RNF125: variants seen among roughly 807,000 people sequenced by gnomAD.
RNF125 encodes the protein ring finger protein 125.
RNF125 carries 21 observed loss-of-function variants against 26.0 expected under a neutral mutation model. That is an observed-to-expected ratio of 0.81 (90% CI 0.57 to 1.16). The LOEUF is 1.16. RNF125 is among the 50% of genes most tolerant of loss of function. The pLI, the probability that RNF125 is intolerant of heterozygous loss-of-function variation, is 0.00. For missense variants in RNF125, 270 were observed against 299.4 expected (o/e 0.90, Z 0.72); for synonymous variants, 95 against 109.2 (o/e 0.87, Z 0.81).
At chr18:32,056,567 G>A (rs2039385251) in intron 4 of RNF125, among the ~76,000 whole-genome samples, 1 of 146,622 alleles carries the variant, frequency 6.8e-6, no homozygotes, top group African/African-American at 2.6e-5. Flanking sequence ...GTTGCAGTGA[G>A]CCAAGATCAC....
chr18:32,045,139 AAGAC>A lies in RNF125; in HGVS notation c.414-499_414-496del, dbSNP rs201333907. Among the ~76,000 whole-genome samples, 604 of 150,984 alleles carry A rather than the reference AAGAC, an allele frequency of 4.0e-3. 1 individual carries two copies. The highest frequency in any genetic ancestry group is 0.013 in the African/African-American group (554 of 41,154). On this transcript the variant is annotated intron_variant, in intron 3 of 5. Coordinates refer to ENST00000217740, the MANE Select transcript of RNF125 (RefSeq NM_017831.4). ...TCTCCAAAAAAAAAAAATAGAAAGA[AAGAC>A]AGAAAAAGAAAAGTGACCTGCAGCT...
chr18:32,037,036 A>G, intron 1 of RNF125, 80 bp from the exon 2 acceptor site: 1 of 1,302,332 alleles, frequency 7.7e-7, no homozygotes, highest in Non-Finnish European at 1.1e-6. Context: ...ATTAAATTAC[A>G]GTTTACACAA....
the RNF125 span, among the ~76,000 whole-genome samples, chr18:32,086,355 GTT>G: frequency 0.016 from 2,115 of 133,652 alleles, 57 homozygotes; most frequent in African/African-American, 0.055. Context: ...AGATATTTGT[GTT>G]TTTTTTTTTT....
chr18:32,083,783 G>A, the RNF125 span, among the ~76,000 whole-genome samples: 15 of 151,988 alleles, frequency 9.9e-5, no homozygotes, highest in African/African-American at 3.4e-4. Context: ...TGTGCCTATG[G>A]TTCTCACTAC....
At chr18:32,077,334 A>ATTTTTTTTTTTTTTTTTTTTTTTTTTT (rs552701343), downstream of RNF125, among the ~76,000 whole-genome samples, 1 of 107,880 alleles carries the variant, frequency 9.3e-6, no homozygotes, top group Non-Finnish European at 1.8e-5. Context: ...CCCTCTCCCC[A>ATTTTTTTTTTTTTTTTTTTTTTTTTTT]TTTTTTTTTT....
intron 1 of RNF125, 86 bp from the exon 2 acceptor site, chr18:32,037,030 A>T: frequency 1.6e-6 from 2 of 1,260,866 alleles, no homozygotes; most frequent in Non-Finnish European, 1.1e-6. Flanking sequence ...GGTGTCATTA[A>T]ATTACAGTTT....
rs531751585 is a variant in RNF125 at position 32,050,865 on chromosome 18, C to CTTTTTTTTTTT, written c.504+5157_504+5167dup. ...CCAGCTAGTCTCTCGGTCTAGAGTG[C>CTTTTTTTTTTT]TTTTTTTTTTTTTTTTTTTTTTTTT... is the stretch of plus-strand genomic sequence containing the variant. On this transcript the variant is annotated intron_variant, in intron 4 of 5. Transcript: ENST00000217740. Among the ~76,000 whole-genome samples the CTTTTTTTTTTT allele has an allele frequency of 7.3e-4, 34 of 46,344 alleles. 8 individuals are homozygous for CTTTTTTTTTTT. Among genetic ancestry groups the CTTTTTTTTTTT allele is most frequent in the Non-Finnish European group, 9.0e-4 (23 of 25,614 alleles). 30.4% of individuals were successfully genotyped at this position (46,344 alleles called of 152,430 possible).
chr18:32,090,757 A>G, the RNF125 span, among the ~76,000 whole-genome samples: 1 of 152,254 alleles, frequency 6.6e-6, no homozygotes, highest in Non-Finnish European at 1.5e-5. Context: ...AACAATGCCA[A>G]TGTCAACATA....
the RNF125 span, among the ~76,000 whole-genome samples, chr18:32,081,990 C>G: frequency 6.6e-6 from 1 of 152,146 alleles, no homozygotes; most frequent in Non-Finnish European, 1.5e-5. Flanking sequence ...GATTCACTTC[C>G]TTTTCTGTAT....
intron 5 of RNF125, 198 bp downstream of exon 5, chr18:32,066,207 T>C: frequency 5.6e-6 from 2 of 358,648 alleles, no homozygotes; most frequent in South Asian, 7.3e-5. Context: ...CCCAACACTT[T>C]GGGAGGCCGA....
chr18:32,073,802 G>A (rs1229157705), downstream of RNF125, among the ~76,000 whole-genome samples: 1 of 152,118 alleles, frequency 6.6e-6, no homozygotes, highest in Non-Finnish European at 1.5e-5. Flanking sequence ...ATGATTGAGG[G>A]AACCCAGATC....
chr18:32,051,126 G>C (rs1389968620), intron 4 of RNF125, among the ~76,000 whole-genome samples: 1 of 151,820 alleles, frequency 6.6e-6, no homozygotes, highest in Non-Finnish European at 1.5e-5. Flanking sequence ...ATTAATTTCA[G>C]CTTTTGCTTT....
intron 2 of RNF125, among the ~76,000 whole-genome samples, chr18:32,039,225 T>A (rs2039192399): frequency 6.6e-6 from 1 of 151,724 alleles, no homozygotes; most frequent in African/African-American, 2.4e-5. Flanking sequence ...AGAGACCTTG[T>A]CTCTACTAAA....
At chr18:32,059,415 GTCT>G (rs1196452078) in intron 4 of RNF125, among the ~76,000 whole-genome samples, 3 of 152,130 alleles carry the variant, frequency 2.0e-5, no homozygotes, top group Non-Finnish European at 4.4e-5. Context: ...CCATTTATAT[GTCT>G]TCTTTTGAGA....
intron 2 of RNF125, among the ~76,000 whole-genome samples, chr18:32,040,341 A>G (rs1408616595): frequency 7.3e-6 from 1 of 136,446 alleles, no homozygotes; most frequent in Non-Finnish European, 1.5e-5. Context: ...GCACCATCTC[A>G]GCTCACTGCA....
intron 1 of RNF125, among the ~76,000 whole-genome samples, chr18:32,028,483 C>A (rs900855055): frequency 6.6e-6 from 1 of 151,814 alleles, no homozygotes; most frequent in South Asian, 2.1e-4. Flanking sequence ...TTCTCTCCCC[C>A]ACAACATGCA....
At chr18:32,064,396 C>CTTTTTT (rs775086863) in intron 4 of RNF125, among the ~76,000 whole-genome samples, 1,003 of 86,720 alleles carry the variant, frequency 0.012, 33 homozygotes, top group Non-Finnish European at 0.014. Flanking sequence ...TTTTCTTTTT[C>CTTTTTT]TTTTTTTTTT....
At chr18:32,057,667 TAAGAAAGGTGTTCTCCATTAC>T (rs2144504490) in intron 4 of RNF125, among the ~76,000 whole-genome samples, 1 of 152,248 alleles carries the variant, frequency 6.6e-6, no homozygotes, top group East Asian at 1.9e-4. Context: ...GTACTGGAGT[TAAGAAAGGTGTTCTCCATTAC>T]AGCCTAGGTA....
rs1399200886 is a variant in RNF125 at position 32,037,177 on chromosome 18, C to T, written c.226C>T (p.Arg76Trp). 4 of 1,605,044 alleles carry T rather than the reference C, an allele frequency of 2.5e-6. No individual in the cohort carries two copies. Among genetic ancestry groups the T allele is most frequent in the Non-Finnish European group, 3.4e-6 (4 of 1,177,016 alleles). ...KNNKWTCPYC[R>W]AYLPSEGVPA... ...CAACAAGTGGACCTGTCCTTATTGC[C>T]GGGCATATCTTCCTTCAGAAGGAGT... Residue 76 changes from arginine to tryptophan, a missense_variant, in exon 2 of 6, where the codon CGG becomes TGG. Physicochemically the swap from Arg to Trp is moderately radical, Grantham distance 101 (BLOSUM62 -3). Coordinates refer to ENST00000217740, the MANE Select transcript of RNF125 (RefSeq NM_017831.4).
Sources: gnomAD v4.1 joint callset for allele counts (sites outside exome capture counted in the v4.1 genomes callset) on GRCh38, gnomAD v4.1.1 for gene constraint, MANE v1.5 for transcripts, NCBI Gene and HGNC (gene_info 2026-07-23, HGNC 2026-07-21) for gene names.